Variants in KIF1B observed in about 807,000 individuals in gnomAD.
KIF1B encodes the protein kinesin-like protein KIF1B.
In KIF1B, 76 loss-of-function variants were observed where a neutral mutation model predicts 241.9. The ratio of observed to expected loss-of-function variants is 0.31; its 90% confidence interval spans 0.26 to 0.38. The LOEUF (loss-of-function observed/expected upper bound fraction) is 0.38. Ranked by LOEUF, KIF1B falls within the 10% of genes least tolerant of loss-of-function variation. The pLI is 1.00. For missense variants in KIF1B, 1,622 were observed against 2,271.4 expected (o/e 0.71, Z 5.81); for synonymous variants, 750 against 796.7 (o/e 0.94, Z 0.99).
At chr1:10,343,119 C>A in intron 33 of KIF1B, 113 bp from the exon 34 acceptor site, 1 of 1,094,272 alleles carries the variant, frequency 9.1e-7, no homozygotes, top group Non-Finnish European at 1.4e-6. Flanking sequence ...CTCACTCCTA[C>A]TTGTGAAACC....
At chr1:10,274,994 C>G (rs898600511) in intron 10 of KIF1B, 34 of 333,540 alleles carry the variant, frequency 1.0e-4, no homozygotes, top group African/African-American at 7.4e-4. Flanking sequence ...TGAATTTGGT[C>G]ATTGTTTTCT....
chr1:10,290,740 CG>C (rs1649954395), intron 15 of KIF1B, among the ~76,000 whole-genome samples: 1 of 150,852 alleles, frequency 6.6e-6, no homozygotes, highest in East Asian at 2.0e-4. Flanking sequence ...CGTGGTGGCA[CG>C]TGCCTGTAGT....
chr1:10,270,051 G>A (rs1421443530), intron 7 of KIF1B, among the ~76,000 whole-genome samples: 4 of 152,030 alleles, frequency 2.6e-5, no homozygotes, highest in African/African-American at 9.7e-5. Context: ...AAACTTTCCT[G>A]AAGCTTTATT....
At chr1:10,248,157 C>CT (rs1422374135) in intron 2 of KIF1B, among the ~76,000 whole-genome samples, 1 of 151,634 alleles carries the variant, frequency 6.6e-6, no homozygotes, top group Non-Finnish European at 1.5e-5. Flanking sequence ...TTTAAGGTCA[C>CT]TTTACCTTTT....
chr1:10,339,017 A>G (rs1053635827), intron 31 of KIF1B, among the ~76,000 whole-genome samples: 1 of 152,068 alleles, frequency 6.6e-6, no homozygotes, highest in Admixed American at 6.6e-5. Context: ...GGATTTTTCT[A>G]TCTGGCAGTA....
In KIF1B at chr1:10,376,729, A is replaced by G. The variant is rs1439882505; in HGVS notation, c.*142A>G. The G allele has an allele frequency of 3.6e-6, 3 of 830,156 alleles. No homozygotes were observed. Among genetic ancestry groups the G allele is most frequent in the Admixed American group, 1.9e-5 (1 of 53,668 alleles). The allele number at this position is 830,156 out of a possible 1,614,324, so 51.4% of individuals were successfully genotyped here. On this transcript the variant is annotated 3_prime_UTR_variant, in exon 49 of 49. Coordinates refer to ENST00000676179, the MANE Select transcript of KIF1B (RefSeq NM_001365951.3). ...CTCCCTCCTTGTCCAGCACTTTTCT[A>G]GCTCTCCCGTTCCCCATCTCCATTG... is the stretch of plus-strand genomic sequence containing the variant.
intron 37 of KIF1B, among the ~76,000 whole-genome samples, chr1:10,349,963 A>G (rs1264068098): frequency 6.6e-6 from 1 of 152,246 alleles, no homozygotes; most frequent in Non-Finnish European, 1.5e-5. Context: ...CAGTTATTCT[A>G]ATTACCATAA....
intron 1 of KIF1B, among the ~76,000 whole-genome samples, chr1:10,213,596 A>G (rs560488858): frequency 1.8e-4 from 28 of 152,272 alleles, no homozygotes; most frequent in African/African-American, 6.5e-4. Flanking sequence ...GATCTTTTCC[A>G]GGAGGAAGCA....
At chr1:10,336,089 T>C (rs576763265) in intron 28 of KIF1B, among the ~76,000 whole-genome samples, 1 of 152,378 alleles carries the variant, frequency 6.6e-6, no homozygotes, top group South Asian at 2.1e-4. Flanking sequence ...GACTATTATC[T>C]TGCCAGCATG....
Position 10,378,112 on chromosome 1 carries a change from A to G in KIF1B, c.*1525A>G, listed in dbSNP as rs1372424450. On this transcript the variant is annotated 3_prime_UTR_variant, in exon 49 of 49. Coordinates refer to ENST00000676179, the MANE Select transcript of KIF1B (RefSeq NM_001365951.3). ...TTTCAGTGATGCTCTCTATACTCAT[A>G]AATAAGCAAATGTGGCAGGCTTTGC... 1 of 578,026 alleles carries G rather than the reference A, an allele frequency of 1.7e-6. No homozygotes were observed. The highest frequency in any genetic ancestry group is 1.9e-5 in the African/African-American group (1 of 53,524). 35.8% of individuals were successfully genotyped at this position (578,026 alleles called of 1,614,324 possible). A position where few individuals can be genotyped will look rare whatever the true frequency, so the allele number is the denominator to read the frequency against.
intron 3 of KIF1B, among the ~76,000 whole-genome samples, chr1:10,257,429 C>T (rs1225066469): frequency 1.3e-5 from 2 of 149,688 alleles, no homozygotes; most frequent in Non-Finnish European, 3.0e-5. Flanking sequence ...GAGCCGAGAT[C>T]GCACCACTGC....
At chr1:10,261,841 G>A (rs868105879) in intron 4 of KIF1B, 64 bp from the exon 5 acceptor site, 15 of 970,752 alleles carry the variant, frequency 1.5e-5, no homozygotes, top group Middle Eastern at 2.1e-4. Flanking sequence ...CATTGAGCAC[G>A]CGTGGATGAC....
At chr1:10,212,117 T>C (rs116168538) in intron 1 of KIF1B, among the ~76,000 whole-genome samples, 2,802 of 152,290 alleles carry the variant, frequency 0.018, 39 homozygotes, top group Non-Finnish European at 0.027. Flanking sequence ...TCTGCCACCA[T>C]TGAACATTCC....
chr1:10,228,319 G>T (rs940765456), intron 1 of KIF1B, among the ~76,000 whole-genome samples: 2 of 152,026 alleles, frequency 1.3e-5, no homozygotes, highest in African/African-American at 4.8e-5. Flanking sequence ...TCAGGATAAT[G>T]CATTTTCTTC....
chr1:10,356,814 C>T (rs1220365589), intron 38 of KIF1B, among the ~76,000 whole-genome samples: 2 of 151,938 alleles, frequency 1.3e-5, no homozygotes, highest in Admixed American at 6.6e-5. Context: ...GCAGGAGAAT[C>T]GCTTGAACCT....
intron 38 of KIF1B, among the ~76,000 whole-genome samples, chr1:10,356,623 C>T (rs943621070): frequency 6.8e-6 from 1 of 146,330 alleles, no homozygotes; most frequent in Non-Finnish European, 1.5e-5. Flanking sequence ...AAAATGCGGC[C>T]GGGCACGGTG....
At chr1:10,335,284 G>A (rs1311379356) in intron 28 of KIF1B, among the ~76,000 whole-genome samples, 3 of 151,786 alleles carry the variant, frequency 2.0e-5, no homozygotes, top group Non-Finnish European at 4.4e-5. Flanking sequence ...ACGGAGTGTC[G>A]CTCTATTGCC....
At position 10,348,795 on chromosome 1, in the gene KIF1B, A is replaced by G. The variant is rs1306355849; in HGVS notation, c.3949+62A>G. ...CTTACAGAGATTTTTTTTTTTTTTG[A>G]GATAGGGTCTTGCTCTGTCACCCAG... On this transcript the variant is annotated intron_variant, in intron 37 of 48. Coordinates refer to ENST00000676179, the MANE Select transcript of KIF1B (RefSeq NM_001365951.3). 21 of 1,086,588 alleles carry G rather than the reference A, an allele frequency of 1.9e-5. No homozygotes were observed. In the East Asian group the frequency reaches 4.6e-4, roughly 24 times the overall value. 67.3% of individuals were successfully genotyped at this position (1,086,588 alleles called of 1,614,324 possible). A position where few individuals can be genotyped will look rare whatever the true frequency, so the allele number is the denominator to read the frequency against.
intron 2 of KIF1B, among the ~76,000 whole-genome samples, chr1:10,247,389 T>C (rs915336520): frequency 6.6e-6 from 1 of 152,356 alleles, no homozygotes; most frequent in East Asian, 1.9e-4. Context: ...TCTACCACTT[T>C]CACTGTGATC....
Sources: allele counts gnomAD v4.1 joint callset (sites outside exome capture counted in the v4.1 genomes callset), GRCh38; gene constraint gnomAD v4.1.1; transcripts MANE v1.5; gene names NCBI Gene and HGNC (gene_info 2026-07-23, HGNC 2026-07-21).